The following BABAM2 variants were observed in gnomAD, a reference collection of about 807,000 sequenced individuals.
BABAM2 encodes BRISC and BRCA1 A complex member 2.
Under a neutral mutation model 54.7 loss-of-function variants are expected in BABAM2, and 31 were observed. The observed-to-expected ratio is 0.57, with a 90% CI of 0.43 to 0.77. BABAM2 has a LOEUF of 0.77. BABAM2 is among the 30% of genes least tolerant of loss of function. The pLI, the probability that BABAM2 is intolerant of heterozygous loss-of-function variation, is 0.00. For synonymous variants in BABAM2, 167 were observed against 162.9 expected (o/e 1.03, Z -0.19); for missense variants, 364 against 455.8 (o/e 0.80, Z 1.83).
Position 28,237,277 on chromosome 2 carries a change from A to G in BABAM2, c.756A>G (p.Gln252=). 1 of 1,613,802 alleles carries G rather than the reference A, an allele frequency of 6.2e-7. No homozygotes were observed. The highest frequency in any genetic ancestry group is 8.5e-7 in the Non-Finnish European group (1 of 1,179,776). ...GATGTCTCATTGATTACGTTCCTCA[A>G]GTATGCCACCTGCTCACCAACAAGG... The part of the protein sequence containing the change: ...GGGCLIDYVP[Q]VCHLLTNKVQ... The change falls in exon 8 of 12, where the codon CAA becomes CAG. Residue 252 remains glutamine (Q), a synonymous_variant. Coordinates refer to ENST00000379624, the MANE Select transcript of BABAM2 (RefSeq NM_199191.3).
At chr2:28,215,711 C>G (rs947780807) in intron 7 of BABAM2, among the ~76,000 whole-genome samples, 1 of 152,154 alleles carries the variant, frequency 6.6e-6, no homozygotes, top group African/African-American at 2.4e-5. Flanking sequence ...CTTTCTCACT[C>G]CCTGTTTTTT....
chr2:27,998,083 G>T (rs1375394375), intron 4 of BABAM2, among the ~76,000 whole-genome samples: 3 of 152,236 alleles, frequency 2.0e-5, no homozygotes, highest in Non-Finnish European at 1.5e-5. Context: ...AACCTGGGAG[G>T]TGGAGGTTGC....
chr2:27,901,426 C>T (rs1426600924), intron 2 of BABAM2, among the ~76,000 whole-genome samples: 3 of 152,206 alleles, frequency 2.0e-5, no homozygotes, highest in Non-Finnish European at 4.4e-5. Context: ...TGGCACATGG[C>T]TGTGTTTGGG....
chr2:28,103,496 A>G (rs1244174183), intron 6 of BABAM2, among the ~76,000 whole-genome samples: 1 of 151,926 alleles, frequency 6.6e-6, no homozygotes, highest in Non-Finnish European at 1.5e-5. Context: ...TTTTGTGGAG[A>G]TGGGGTTTTG....
At chr2:27,890,141 C>T, upstream of BABAM2, 1 of 894,984 alleles carries the variant, frequency 1.1e-6, no homozygotes, top group Non-Finnish European at 1.7e-6. This position sits in a 1 kb window ranked among gnomAD's most constrained non-coding sequence, Gnocchi z 4.8. Context: ...AGCTCATACC[C>T]AAAGCTAGCA....
intron 6 of BABAM2, among the ~76,000 whole-genome samples, chr2:28,100,585 G>A (rs1194138437): frequency 6.6e-6 from 1 of 151,604 alleles, no homozygotes; most frequent in Admixed American, 6.6e-5. Context: ...TTTGTGTATC[G>A]CCTTCTAATC....
At chr2:28,071,803 A>G (rs562086424) in intron 6 of BABAM2, among the ~76,000 whole-genome samples, 1 of 152,316 alleles carries the variant, frequency 6.6e-6, no homozygotes, top group South Asian at 2.1e-4. Flanking sequence ...ATTTGAACTT[A>G]TGACTTTAAA....
intron 7 of BABAM2, among the ~76,000 whole-genome samples, chr2:28,230,711 G>A (rs1452382403): frequency 1.1e-5 from 1 of 87,680 alleles, no homozygotes; most frequent in Non-Finnish European, 2.3e-5. Flanking sequence ...GCAAGACCCT[G>A]TCTCAGGAAA....
At chr2:28,315,616 T>C (rs1381664963) in intron 11 of BABAM2, among the ~76,000 whole-genome samples, 4 of 151,418 alleles carry the variant, frequency 2.6e-5, no homozygotes, top group African/African-American at 9.7e-5. Context: ...TACAGGTCCA[T>C]GCAACAGCAC....
chr2:28,292,494 C>G (rs550465093), intron 10 of BABAM2, among the ~76,000 whole-genome samples: 1 of 152,142 alleles, frequency 6.6e-6, no homozygotes, highest in Admixed American at 6.5e-5. Context: ...TTTGACTGCA[C>G]GTATCAGAAG....
chr2:28,215,852 A>G (rs1171675849), intron 7 of BABAM2, among the ~76,000 whole-genome samples: 2 of 152,050 alleles, frequency 1.3e-5, no homozygotes, highest in African/African-American at 4.8e-5. Context: ...CTGTAACTGT[A>G]TTTTAAGCCA....
At chr2:28,127,073 C>G (rs1669613746) in intron 6 of BABAM2, among the ~76,000 whole-genome samples, 1 of 151,980 alleles carries the variant, frequency 6.6e-6, no homozygotes, top group Non-Finnish European at 1.5e-5. Context: ...CGAAAATTTT[C>G]TCTGATTTTG....
At chr2:28,148,665 A>G (rs1671732885) in intron 7 of BABAM2, among the ~76,000 whole-genome samples, 1 of 152,190 alleles carries the variant, frequency 6.6e-6, no homozygotes, top group Non-Finnish European at 1.5e-5. Flanking sequence ...ACAAGTCCAT[A>G]TACCAGGAGG....
chr2:28,112,103 T>TTCTTTCTTTCTTTCTTTCTC (rs1483520633), intron 6 of BABAM2, among the ~76,000 whole-genome samples: 2 of 8,416 alleles, frequency 2.4e-4, no homozygotes, highest in African/African-American at 1.1e-3. Context: ...CTTTCTTTCT[T>TTCTTTCTTTCTTTCTTTCTC]TCTTTCTTTC....
intron 10 of BABAM2, among the ~76,000 whole-genome samples, chr2:28,272,882 G>T (rs1558490520): frequency 6.6e-6 from 1 of 152,166 alleles, no homozygotes; most frequent in Non-Finnish European, 1.5e-5. Context: ...GACTGACGTG[G>T]CTGGGACGAC....
intron 2 of BABAM2, among the ~76,000 whole-genome samples, chr2:27,897,705 TCAGA>T (rs945385178): frequency 6.6e-6 from 1 of 152,094 alleles, no homozygotes; most frequent in Non-Finnish European, 1.5e-5. Context: ...GGCCTGGTGC[TCAGA>T]CAGACTTCCC....
At chr2:28,308,538 C>T (rs1688766676) in intron 11 of BABAM2, 1 of 503,868 alleles carries the variant, frequency 2.0e-6, no homozygotes, top group Non-Finnish European at 3.9e-6. Context: ...AGCCAACACC[C>T]TGATCAGGCC....
intron 3 of BABAM2, among the ~76,000 whole-genome samples, chr2:27,973,017 C>T (rs994686899): frequency 9.9e-5 from 15 of 151,866 alleles, no homozygotes; most frequent in African/African-American, 1.5e-4. Flanking sequence ...ATCCGCCCGC[C>T]TCGGCCTCCC....
At chr2:28,090,759 A>G (rs1373365744) in intron 6 of BABAM2, among the ~76,000 whole-genome samples, 1 of 152,122 alleles carries the variant, frequency 6.6e-6, no homozygotes. Flanking sequence ...CAGCCAACCA[A>G]AGGGCCCAGG....
Sources: allele counts gnomAD v4.1 joint callset (sites outside exome capture counted in the v4.1 genomes callset), GRCh38; gene constraint gnomAD v4.1.1; non-coding constraint Gnocchi (gnomAD v3.1); transcripts MANE v1.5; gene names NCBI Gene and HGNC (gene_info 2026-07-23, HGNC 2026-07-21).